The following MYRIP variants were observed in gnomAD, a reference collection of about 807,000 sequenced individuals.
The protein encoded by MYRIP is rab effector MyRIP.
Under a neutral mutation model 98.0 loss-of-function variants are expected in MYRIP, and 49 were observed. That is an observed-to-expected ratio of 0.50 (90% confidence interval 0.40 to 0.63). The LOEUF is 0.63. MYRIP is among the 30% of genes least tolerant of loss of function. The probability of loss-of-function intolerance (pLI) is 0.00; values close to 1 mark genes in which losing one functional copy is unlikely to be tolerated. For missense variants in MYRIP, 1,004 were observed against 1,058.2 expected, an observed-to-expected ratio of 0.95 and a Z score of 0.71; for synonymous variants, 404 against 409.5, an observed-to-expected ratio of 0.99 and a Z score of 0.16.
chr3:40,185,274 T>A (rs1559440070), intron 9 of MYRIP, among the ~76,000 whole-genome samples: 3 of 152,192 alleles, frequency 2.0e-5, no homozygotes, highest in Non-Finnish European at 4.4e-5. Flanking sequence ...TGACGCTGCT[T>A]ATAGCAGTTA....
At chr3:40,115,998 G>A (rs189623793) in intron 3 of MYRIP, among the ~76,000 whole-genome samples, 34 of 152,272 alleles carry the variant, frequency 2.2e-4, no homozygotes, top group African/African-American at 4.3e-4. Context: ...TGCACAGCAC[G>A]AGCAAGGTTG....
intron 3 of MYRIP, among the ~76,000 whole-genome samples, chr3:40,139,506 T>C (rs1449470676): frequency 6.6e-6 from 1 of 152,230 alleles, no homozygotes; most frequent in African/African-American, 2.4e-5. Context: ...ATAATAAAAT[T>C]GCAATTTTTA....
intron 10 of MYRIP, among the ~76,000 whole-genome samples, chr3:40,204,216 T>TATATAACATATTATATA (rs1951730247): frequency 2.8e-4 from 3 of 10,584 alleles, no homozygotes; most frequent in Non-Finnish European, 2.0e-4. Flanking sequence ...ATTTATATAT[T>TATATAACATATTATATA]ATATATAAAT....
intron 12 of MYRIP, among the ~76,000 whole-genome samples, chr3:40,235,006 A>AG (rs202171605): frequency 0.052 from 7,823 of 151,600 alleles, 655 homozygotes; most frequent in African/African-American, 0.18. Flanking sequence ...AAAAAAAAAA[A>AG]AAAAAGATAC....
chr3:40,219,288 G>A (rs1245778613), intron 11 of MYRIP, among the ~76,000 whole-genome samples: 1 of 152,138 alleles, frequency 6.6e-6, no homozygotes, highest in African/African-American at 2.4e-5. Context: ...TTAAAGGCCT[G>A]AAATATATGA....
rs571708037 is a variant in MYRIP at position 40,132,051 on chromosome 3, G to T, written c.333-18997G>T. On this transcript the variant is annotated intron_variant, in intron 3 of 16. Transcript: ENST00000302541. ...TGATAGTAAAATGAATCTAAAATGT[G>T]CTTATATCATTTTTTAAGAAATCAA... Among the ~76,000 whole-genome samples the T allele has an allele frequency of 1.3e-4, 20 of 152,058 alleles. No homozygotes were observed. In the South Asian group the frequency reaches 4.2e-3, roughly 32 times the overall value.
Position 39,816,217 on chromosome 3 carries a change from G to A in MYRIP, c.-31+6301G>A, listed in dbSNP as rs536211886. On this transcript the variant is annotated intron_variant, in intron 1 of 16. Coordinates refer to ENST00000302541, the MANE Select transcript of MYRIP (RefSeq NM_015460.4). ...CTGCCTCAGCCTCCTGAGTAGCTGG[G>A]ACTACAGGCGCCGGCCACCACGCCC... 2.0e-5 allele frequency among the ~76,000 whole-genome samples: 3 copies of A among 151,996 alleles called. No individual in the cohort carries two copies. The South Asian group carries it at 6.2e-4, about 32-fold the overall frequency.
chr3:39,907,877 G>T (rs959801506), intron 2 of MYRIP, among the ~76,000 whole-genome samples: 1 of 152,114 alleles, frequency 6.6e-6, no homozygotes, highest in African/African-American at 2.4e-5. Flanking sequence ...GACACCTGCA[G>T]CAAGATATCC....
intron 11 of MYRIP, among the ~76,000 whole-genome samples, chr3:40,228,035 C>A (rs577211552): frequency 2.8e-4 from 42 of 152,316 alleles, no homozygotes; most frequent in African/African-American, 8.7e-4. Flanking sequence ...GACCACAGCA[C>A]CCCCAATTGT....
intron 1 of MYRIP, among the ~76,000 whole-genome samples, chr3:39,819,827 A>G (rs1053766654): frequency 1.3e-5 from 2 of 152,264 alleles, no homozygotes; most frequent in Non-Finnish European, 2.9e-5. Context: ...AAAGAACTTT[A>G]TGAAACTGTG....
chr3:39,973,175 C>G (rs1162254361), intron 2 of MYRIP, among the ~76,000 whole-genome samples: 1 of 151,922 alleles, frequency 6.6e-6, no homozygotes, highest in Non-Finnish European at 1.5e-5. Context: ...TGCAGAGACA[C>G]ACATAGTTTC....
chr3:40,136,977 G>A (rs1002818893), intron 3 of MYRIP, among the ~76,000 whole-genome samples: 2 of 152,142 alleles, frequency 1.3e-5, no homozygotes, highest in African/African-American at 4.8e-5. Context: ...AAAAGAACTA[G>A]AGAAGCAAGA....
chr3:39,973,494 G>A (rs1208930878), intron 2 of MYRIP, among the ~76,000 whole-genome samples: 7 of 152,072 alleles, frequency 4.6e-5, no homozygotes, highest in African/African-American at 1.7e-4. Flanking sequence ...ACAGATCAAC[G>A]AGACAGAAAG....
intron 3 of MYRIP, among the ~76,000 whole-genome samples, chr3:40,087,050 C>G (rs921877255): frequency 6.6e-6 from 1 of 152,002 alleles, no homozygotes; most frequent in Non-Finnish European, 1.5e-5. Context: ...GCCACTGCTA[C>G]GTGGGCGAAC....
intron 1 of MYRIP, among the ~76,000 whole-genome samples, chr3:39,890,512 C>A (rs1242024999): frequency 6.6e-6 from 1 of 151,824 alleles, no homozygotes; most frequent in East Asian, 1.9e-4. Context: ...TTTTTAAAAA[C>A]TTAATATTTT....
rs563724350 is a variant in MYRIP at position 40,185,718 on chromosome 3, C to T, written c.1027+3345C>T. On this transcript the variant is annotated intron_variant, in intron 9 of 16. Coordinates refer to ENST00000302541, the MANE Select transcript of MYRIP (RefSeq NM_015460.4). ...AGGAGAAGGAGAGCTGGCAATGGGT[C>T]AAATGCCACCTCACCATGTAGGGGA... Among the ~76,000 whole-genome samples, 19 of 152,210 alleles carry T rather than the reference C, an allele frequency of 1.2e-4. No homozygotes were observed. The South Asian group carries it at 4.0e-3, about 32-fold the overall frequency.
At chr3:39,937,790 T>C (rs1944688441) in intron 2 of MYRIP, among the ~76,000 whole-genome samples, 2 of 152,250 alleles carry the variant, frequency 1.3e-5, no homozygotes, top group Admixed American at 6.5e-5. Flanking sequence ...TAAGAGCTTT[T>C]AGTATCCTTG....
At chr3:40,178,103 T>C (rs143173734) in intron 8 of MYRIP, among the ~76,000 whole-genome samples, 89 of 152,348 alleles carry the variant, frequency 5.8e-4, no homozygotes, top group African/African-American at 2.1e-3. Flanking sequence ...AAATCTTTGA[T>C]ACTAAAAACA....
rs1559456672 is a variant in MYRIP at position 40,212,184 on chromosome 3, A to ATATATATATACATATATATACGTG, written c.1905+2092_1905+2093insATATATATACATATATATACGTGT. Reference sequence around the variant, plus strand: ...TATATATATACATATATATACGTGTATGTGTATATACATATATATACGTGT... The same window carrying ATATATATATACATATATATACGTG: ...TATATATATACATATATATACGTGTATATATATATACATATATATACGTGTGTGTATATACATATATATACGTGT... On this transcript the variant is annotated intron_variant, in intron 11 of 16. Coordinates refer to ENST00000302541, the MANE Select transcript of MYRIP (RefSeq NM_015460.4). Among the ~76,000 whole-genome samples the ATATATATATACATATATATACGTG allele has an allele frequency of 3.7e-4, 3 of 8,048 alleles. 1 individual carries two copies. The highest frequency in any genetic ancestry group is 8.7e-4 in the African/African-American group (3 of 3,434). 5.3% of individuals were successfully genotyped at this position (8,048 alleles called of 152,430 possible).
Sources: gnomAD v4.1 joint callset for allele counts (sites outside exome capture counted in the v4.1 genomes callset) on GRCh38, gnomAD v4.1.1 for gene constraint, MANE v1.5 for transcripts, NCBI Gene and HGNC (gene_info 2026-07-23, HGNC 2026-07-21) for gene names.